Variants in LSAMP observed in about 807,000 individuals in gnomAD.
LSAMP encodes limbic system-associated membrane protein.
Under a neutral mutation model 38.6 loss-of-function variants are expected in LSAMP, and 7 were observed. The ratio of observed to expected loss-of-function variants is 0.18; its 90% CI spans 0.10 to 0.34. The LOEUF (loss-of-function observed/expected upper bound fraction) is 0.34. Ranked by LOEUF, LSAMP falls within the 10% of genes least tolerant of loss-of-function variation. The pLI, the probability that LSAMP is intolerant of heterozygous loss-of-function variation, is 1.00. For synonymous variants in LSAMP, 154 were observed against 166.8 expected (o/e 0.92, Z 0.59); for missense variants, 313 against 420.0 (o/e 0.75, Z 2.23).
intron 1 of LSAMP, among the ~76,000 whole-genome samples, chr3:116,424,577 A>G (rs1267790953): frequency 6.6e-6 from 1 of 152,244 alleles, no homozygotes; most frequent in African/African-American, 2.4e-5. Flanking sequence ...CCAGATAGAT[A>G]TGAGGCAGAA....
At chr3:116,134,430 C>G (rs1709201730) in intron 1 of LSAMP, among the ~76,000 whole-genome samples, 1 of 152,188 alleles carries the variant, frequency 6.6e-6, no homozygotes. Flanking sequence ...CTTCTAGTGG[C>G]TATCCAGTGT....
chr3:116,357,569 T>C (rs1434611973), intron 1 of LSAMP, among the ~76,000 whole-genome samples: 1 of 152,066 alleles, frequency 6.6e-6, no homozygotes, highest in Admixed American at 6.6e-5. Context: ...GTATAGAGGA[T>C]TGCAAAATAT....
intron 1 of LSAMP, among the ~76,000 whole-genome samples, chr3:116,187,561 C>T (rs990081032): frequency 3.9e-5 from 6 of 152,082 alleles, no homozygotes; most frequent in Admixed American, 3.3e-4. Flanking sequence ...ATCAAGAACC[C>T]AGCAAACATG....
chr3:116,001,151 G>T (rs1228392926), intron 3 of LSAMP, among the ~76,000 whole-genome samples: 1 of 151,922 alleles, frequency 6.6e-6, no homozygotes, highest in Non-Finnish European at 1.5e-5. Flanking sequence ...GGCAGTGCAA[G>T]TTCCTAAAGT....
At chr3:116,370,821 CA>C (rs895690940) in intron 1 of LSAMP, among the ~76,000 whole-genome samples, 16 of 152,206 alleles carry the variant, frequency 1.1e-4, no homozygotes, top group African/African-American at 3.9e-4. Context: ...ACAACATTGA[CA>C]AACTTTAGCT....
intron 2 of LSAMP, among the ~76,000 whole-genome samples, chr3:116,023,182 A>ATG (rs1430060686): frequency 2.1e-5 from 3 of 145,696 alleles, no homozygotes; most frequent in Admixed American, 7.1e-5. Context: ...CTCTCTCTAT[A>ATG]TATATATACA....
chr3:116,311,238 C>T (rs1165406083), intron 1 of LSAMP, among the ~76,000 whole-genome samples: 3 of 152,154 alleles, frequency 2.0e-5, no homozygotes, highest in Admixed American at 1.3e-4. Flanking sequence ...ACTACTTCAT[C>T]TTTTCTTATA....
chr3:115,863,534 GTGTTGT>G (rs765310934), intron 3 of LSAMP, among the ~76,000 whole-genome samples: 28,795 of 151,806 alleles, frequency 0.19, 3,543 homozygotes, highest in African/African-American at 0.33. Context: ...GGATAAAAAT[GTGTTGT>G]ATATGTGTTA....
intron 6 of LSAMP, 109 bp from the exon 7 acceptor site, chr3:115,810,523 A>G (rs2289268): frequency 0.25 from 191,268 of 750,524 alleles, 25,580 homozygotes; most frequent in African/African-American, 0.31. Context: ...AGGTACTAGC[A>G]TCTCAAAGTT....
At chr3:116,354,836 GGT>G (rs1408166086) in intron 1 of LSAMP, among the ~76,000 whole-genome samples, 1 of 122,780 alleles carries the variant, frequency 8.1e-6, no homozygotes, top group Non-Finnish European at 1.7e-5. Flanking sequence ...TCTCTCTCTG[GGT>G]GTATATATGT....
intron 2 of LSAMP, among the ~76,000 whole-genome samples, chr3:116,074,844 C>CTTTTTTTTTTTTTTTTTTTTTTTT (rs1161460100): frequency 2.3e-5 from 3 of 128,382 alleles, no homozygotes; most frequent in African/African-American, 9.3e-5. Context: ...TTTCTTTATT[C>CTTTTTTTTTTTTTTTTTTTTTTTT]TTTTTTTTTT....
chr3:115,810,391 T>G lies in LSAMP; in HGVS notation c.943A>C (p.Asn315His). Reference sequence around the variant, plus strand: ...GGTACGGCCAGACTGATGGATCCATTTATTCCTCTCACCGACCCAGGTCCT... The same window carrying G: ...GGTACGGCCAGACTGATGGATCCATGTATTCCTCTCACCGACCCAGGTCCT... ...LFRPGSVRGI[N>H]GSISLAVPLW... Residue 315 changes from asparagine (N) to histidine (H), a missense_variant, in exon 7 of 7, where the codon AAT becomes CAT. Physicochemically the swap from Asn to His is moderately conservative, Grantham distance 68 (BLOSUM62 1). Coordinates refer to ENST00000490035, the MANE Select transcript of LSAMP (RefSeq NM_002338.5). The G allele has an allele frequency of 6.2e-7, 1 of 1,613,540 alleles. No individual in the cohort carries two copies. Among genetic ancestry groups the G allele is most frequent in the Non-Finnish European group, 8.5e-7 (1 of 1,179,668 alleles).
intron 3 of LSAMP, among the ~76,000 whole-genome samples, chr3:115,982,690 A>G (rs560027873): frequency 2.6e-5 from 4 of 151,678 alleles, no homozygotes; most frequent in African/African-American, 9.7e-5. Flanking sequence ...TCCATCCCCC[A>G]TTCCTCCAGC....
chr3:115,953,525 C>T (rs1336999632), intron 3 of LSAMP, among the ~76,000 whole-genome samples: 1 of 152,022 alleles, frequency 6.6e-6, no homozygotes, highest in African/African-American at 2.4e-5. Flanking sequence ...GTCATGCTTT[C>T]CCTTCCCCAA....
At chr3:116,166,429 AC>A (rs1710051389) in intron 1 of LSAMP, among the ~76,000 whole-genome samples, 1 of 152,180 alleles carries the variant, frequency 6.6e-6, no homozygotes. Context: ...TAACAAGTGG[AC>A]CCAGGCAGTC....
At chr3:116,116,236 T>C (rs1320475065) in intron 1 of LSAMP, among the ~76,000 whole-genome samples, 1 of 151,760 alleles carries the variant, frequency 6.6e-6, no homozygotes, top group Non-Finnish European at 1.5e-5. Context: ...ATTTCACGGG[T>C]ACAATATCTT....
intron 1 of LSAMP, among the ~76,000 whole-genome samples, chr3:116,227,015 G>T (rs2046350204): frequency 6.6e-6 from 1 of 151,240 alleles, no homozygotes; most frequent in Admixed American, 6.6e-5. Flanking sequence ...AATTGAAGGT[G>T]TTTTTTTTTC....
chr3:115,933,120 C>T (rs1042585694), intron 3 of LSAMP, among the ~76,000 whole-genome samples: 6 of 152,146 alleles, frequency 3.9e-5, no homozygotes, highest in South Asian at 4.1e-4. Flanking sequence ...TGGTTTCACT[C>T]GACAAGTATG....
intron 1 of LSAMP, among the ~76,000 whole-genome samples, chr3:116,189,216 G>A (rs547531503): frequency 6.6e-6 from 1 of 152,322 alleles, no homozygotes; most frequent in South Asian, 2.1e-4. Flanking sequence ...CCTGAATGAA[G>A]TAAGGCAGAG....
Sources: gnomAD v4.1 joint callset for allele counts (sites outside exome capture counted in the v4.1 genomes callset) on GRCh38, gnomAD v4.1.1 for gene constraint, MANE v1.5 for transcripts, NCBI Gene and HGNC (gene_info 2026-07-23, HGNC 2026-07-21) for gene names.